Variants in TASP1 observed in about 807,000 individuals in gnomAD.
TASP1 encodes taspase 1.
Under a neutral mutation model 56.6 loss-of-function variants are expected in TASP1, and 16 were observed. That is an observed-to-expected ratio of 0.28 (90% CI 0.19 to 0.43). The LOEUF is 0.43. TASP1 is among the 20% of genes least tolerant of loss of function. The pLI is 1.00. For synonymous variants in TASP1, 179 were observed against 184.2 expected, an observed-to-expected ratio of 0.97 and a Z score of 0.23; for missense variants, 393 against 511.6, an observed-to-expected ratio of 0.77 and a Z score of 2.24.
At chr20:13,571,553 A>G (rs1051580848) in intron 6 of TASP1, among the ~76,000 whole-genome samples, 10 of 152,154 alleles carry the variant, frequency 6.6e-5, no homozygotes, top group Non-Finnish European at 1.5e-4. Context: ...CTGAGCCACC[A>G]TCATCTGATA....
the TASP1 span, among the ~76,000 whole-genome samples, chr20:13,380,003 C>T: frequency 1.3e-5 from 2 of 152,174 alleles, no homozygotes; most frequent in Non-Finnish European, 2.9e-5. Flanking sequence ...AGCTTCCTAT[C>T]ATTGGGTTAG....
intron 9 of TASP1, among the ~76,000 whole-genome samples, chr20:13,532,385 G>T (rs1223616554): frequency 6.6e-6 from 1 of 152,138 alleles, no homozygotes; most frequent in Non-Finnish European, 1.5e-5. Context: ...ATTTGGGCTT[G>T]TCAAAAAGAA....
At chr20:13,295,827 C>T in the TASP1 span, among the ~76,000 whole-genome samples, 1 of 152,188 alleles carries the variant, frequency 6.6e-6, no homozygotes, top group African/African-American at 2.4e-5. Context: ...TGAGAGCAGC[C>T]AGGGGGTGGA....
At chr20:13,148,839 T>C in the TASP1 span, among the ~76,000 whole-genome samples, 1 of 152,220 alleles carries the variant, frequency 6.6e-6, no homozygotes, top group Non-Finnish European at 1.5e-5. Context: ...GAGGTGGCAC[T>C]GAGGCTGCAG....
intron 10 of TASP1, among the ~76,000 whole-genome samples, chr20:13,496,957 A>C (rs1373582318): frequency 1.3e-5 from 2 of 152,366 alleles, no homozygotes; most frequent in Non-Finnish European, 1.5e-5. Flanking sequence ...TGGAAAAAGA[A>C]TAAATGCTGT....
chr20:13,105,267 G>T, the TASP1 span, among the ~76,000 whole-genome samples: 3 of 149,576 alleles, frequency 2.0e-5, no homozygotes, highest in Non-Finnish European at 4.5e-5. Context: ...CCTGCAGGAG[G>T]AAAAAAAAAA....
intron 13 of TASP1, 132 bp downstream of exon 13, chr20:13,417,316 C>A: frequency 1.3e-6 from 1 of 776,124 alleles, no homozygotes; most frequent in Non-Finnish European, 2.1e-6. Flanking sequence ...TGTTCTTATT[C>A]GGATGCTTAT....
At chr20:13,601,934 T>C (rs954962372) in intron 4 of TASP1, among the ~76,000 whole-genome samples, 15 of 129,742 alleles carry the variant, frequency 1.2e-4, no homozygotes, top group African/African-American at 4.5e-4. Flanking sequence ...TGGAGTGCAG[T>C]GGCTCGATCT....
chr20:13,528,628 G>A, intron 9 of TASP1, 117 bp from the exon 10 acceptor site: 1 of 730,814 alleles, frequency 1.4e-6, no homozygotes, highest in Non-Finnish European at 2.2e-6. Context: ...AAAACAACTA[G>A]GTGATAATAC....
chr20:13,566,344 A>G (rs1223944145), intron 7 of TASP1, among the ~76,000 whole-genome samples: 1 of 152,208 alleles, frequency 6.6e-6, no homozygotes, highest in African/African-American at 2.4e-5. Flanking sequence ...GTATTTTACC[A>G]TAATTTTAAA....
At chr20:13,601,772 CGA>C (rs2047965625) in intron 4 of TASP1, among the ~76,000 whole-genome samples, 1 of 150,278 alleles carries the variant, frequency 6.7e-6, no homozygotes, top group Non-Finnish European at 1.5e-5. Flanking sequence ...ACATCAACAG[CGA>C]TAAGTCATGG....
intron 10 of TASP1, among the ~76,000 whole-genome samples, chr20:13,486,322 C>T (rs1180833106): frequency 2.0e-5 from 3 of 152,012 alleles, no homozygotes; most frequent in Non-Finnish European, 4.4e-5. Context: ...TAGCAGAAAA[C>T]ATGGATTATA....
chr20:13,470,505 C>T (rs2044447578), intron 11 of TASP1, among the ~76,000 whole-genome samples: 1 of 152,124 alleles, frequency 6.6e-6, no homozygotes, highest in South Asian at 2.1e-4. Context: ...TATAAAACTT[C>T]TATACACTTA....
chr20:13,292,018 C>G, the TASP1 span, among the ~76,000 whole-genome samples: 1 of 152,128 alleles, frequency 6.6e-6, no homozygotes, highest in Non-Finnish European at 1.5e-5. Context: ...TCATTAAGAA[C>G]AAGATATTAA....
the TASP1 span, among the ~76,000 whole-genome samples, chr20:13,162,128 G>A: frequency 6.6e-6 from 1 of 152,176 alleles, no homozygotes; most frequent in African/African-American, 2.4e-5. Flanking sequence ...AAGTCTGACT[G>A]TAGAAAGAAA....
intron 10 of TASP1, among the ~76,000 whole-genome samples, chr20:13,487,977 C>T (rs2043388103): frequency 6.6e-6 from 1 of 151,976 alleles, no homozygotes; most frequent in Admixed American, 6.6e-5. Flanking sequence ...TCATTGTTTG[C>T]CTATCCCTGA....
chr20:13,260,059 G>T, the TASP1 span, among the ~76,000 whole-genome samples: 1 of 152,298 alleles, frequency 6.6e-6, no homozygotes, highest in East Asian at 1.9e-4. Flanking sequence ...GCCCACAATT[G>T]CATCAGCTGC....
chr20:13,566,059 G>C (rs1382107910), intron 7 of TASP1, among the ~76,000 whole-genome samples: 2 of 152,150 alleles, frequency 1.3e-5, no homozygotes, highest in Non-Finnish European at 2.9e-5. Context: ...GAACCTTGAA[G>C]AAGTCATGCT....
the TASP1 span, among the ~76,000 whole-genome samples, chr20:13,170,403 G>T: frequency 6.6e-6 from 1 of 152,140 alleles, no homozygotes; most frequent in African/African-American, 2.4e-5. Context: ...ATTTGGAAAA[G>T]GTTGATTCCC....
Sources: allele counts gnomAD v4.1 joint callset (sites outside exome capture counted in the v4.1 genomes callset), GRCh38; gene constraint gnomAD v4.1.1; transcripts MANE v1.5; gene names NCBI Gene and HGNC (gene_info 2026-07-23, HGNC 2026-07-21).